KIAA1191: variants seen among roughly 807,000 people sequenced by gnomAD.
KIAA1191 encodes the protein KIAA1191.
In KIAA1191, 22 loss-of-function variants were observed where a neutral mutation model predicts 31.1. The observed-to-expected ratio is 0.71, with a 90% CI of 0.51 to 1.01. KIAA1191 has a LOEUF of 1.01. Ranked by LOEUF, KIAA1191 falls within the 50% of genes least tolerant of loss-of-function variation. KIAA1191 has a pLI of 0.00. For synonymous variants in KIAA1191, 130 were observed against 143.9 expected (o/e 0.90, Z 0.69); for missense variants, 319 against 388.0 (o/e 0.82, Z 1.49).
At chr5:176,354,895 T>G (rs1360433260) in intron 4 of KIAA1191, among the ~76,000 whole-genome samples, 1 of 151,700 alleles carries the variant, frequency 6.6e-6, no homozygotes, top group Non-Finnish European at 1.5e-5. Flanking sequence ...GACGGAGATG[T>G]CAGGAAAACT....
chr5:176,351,883 C>A (rs1226096991), intron 5 of KIAA1191, among the ~76,000 whole-genome samples: 1 of 152,142 alleles, frequency 6.6e-6, no homozygotes, highest in East Asian at 1.9e-4. Context: ...GGGCTTCTGA[C>A]TTCAAAAATG....
chr5:176,359,477 T>A lies in KIAA1191; in HGVS notation c.28+4A>T. The stretch of plus-strand genomic sequence containing the variant: ...ATGATTTTACCAAAAAGAATTAAGT[T>A]TACCAGGCACTTCTGGTTGTCTTGA... On this transcript the variant is annotated splice_donor_region_variant and intron_variant, in intron 3 of 8. Coordinates refer to ENST00000298569, the MANE Select transcript of KIAA1191 (RefSeq NM_020444.5). 5 of 1,613,726 alleles carry A rather than the reference T, an allele frequency of 3.1e-6. No individual in the cohort carries two copies. Among genetic ancestry groups the A allele is most frequent in the Non-Finnish European group, 4.2e-6 (5 of 1,179,760 alleles).
At chr5:176,352,586 C>T (rs1767127773) in intron 5 of KIAA1191, 36 bp downstream of exon 5, 1 of 1,607,064 alleles carries the variant, frequency 6.2e-7, no homozygotes, top group Non-Finnish European at 8.5e-7. Context: ...TTCCCTGCCC[C>T]TATGGCACTC....
At chr5:176,348,635 T>TC (rs1454414491) in intron 6 of KIAA1191, among the ~76,000 whole-genome samples, 19 of 151,486 alleles carry the variant, frequency 1.3e-4, no homozygotes, top group East Asian at 1.9e-4. Context: ...TGAAGTAATT[T>TC]CCCCACATTC....
At chr5:176,351,748 ACT>A (rs1213201252) in intron 5 of KIAA1191, among the ~76,000 whole-genome samples, 3 of 150,768 alleles carry the variant, frequency 2.0e-5, no homozygotes, top group Non-Finnish European at 3.0e-5. Flanking sequence ...ACAGAGTGAG[ACT>A]CTGTCTCAAA....
chr5:176,352,060 A>T (rs1226023496), intron 5 of KIAA1191, among the ~76,000 whole-genome samples: 1 of 151,968 alleles, frequency 6.6e-6, no homozygotes, highest in Non-Finnish European at 1.5e-5. Flanking sequence ...CCAAGTTCTC[A>T]TATCAGGTTT....
At chr5:176,352,802 C>G (rs1561754428) in intron 4 of KIAA1191, 54 bp from the exon 5 acceptor site, 3 of 1,546,832 alleles carry the variant, frequency 1.9e-6, no homozygotes, top group Non-Finnish European at 2.6e-6. Context: ...GGGAGTCACA[C>G]ACCTAAACTT....
intron 3 of KIAA1191, among the ~76,000 whole-genome samples, chr5:176,356,528 A>G (rs1348696316): frequency 6.6e-6 from 1 of 152,232 alleles, no homozygotes; most frequent in East Asian, 1.9e-4. Flanking sequence ...TTTAAACAGT[A>G]GAGTCACTTT....
chr5:176,358,602 G>C (rs1269040405), intron 3 of KIAA1191, among the ~76,000 whole-genome samples: 1 of 152,120 alleles, frequency 6.6e-6, no homozygotes, highest in Admixed American at 6.5e-5. Flanking sequence ...TGTAATCCCA[G>C]CTACTCGAGG....
At chr5:176,353,174 G>T (rs1767192180) in intron 4 of KIAA1191, 1 of 154,574 alleles carries the variant, frequency 6.5e-6, no homozygotes, top group Admixed American at 6.3e-5. Context: ...CAGACTGCCG[G>T]GCTCCACCTC....
rs1040959426 is a variant in KIAA1191 at position 176,349,850 on chromosome 5, C to A, written c.459+763G>T. ...GGAACAAGCCTGGATTCTGACCCCC[C>A]CTTGCCTAAAGAAGACAGCCCAAGT... On this transcript the variant is annotated intron_variant, in intron 6 of 8. Coordinates refer to ENST00000298569, the MANE Select transcript of KIAA1191 (RefSeq NM_020444.5). 2.6e-5 allele frequency among the ~76,000 whole-genome samples: 4 copies of A among 152,306 alleles called. No individual in the cohort carries two copies. In the East Asian group the frequency reaches 5.8e-4, roughly 22 times the overall value.
chr5:176,353,141 T>C (rs1404625589), intron 4 of KIAA1191: 1 of 161,492 alleles, frequency 6.2e-6, no homozygotes, highest in African/African-American at 2.4e-5. Flanking sequence ...TAAGTGGTTC[T>C]GACCCTGTGC....
At position 176,359,792 on chromosome 5, in the gene KIAA1191, G is replaced by T; in HGVS notation, c.-60+19C>A. The stretch of plus-strand genomic sequence containing the variant: ...ATGACAGAGCTAAGATGCCATACAT[G>T]GTGAAAAAGTCACCTTACCACAGTG... On this transcript the variant is annotated intron_variant, in intron 2 of 8. Coordinates refer to ENST00000298569, the MANE Select transcript of KIAA1191 (RefSeq NM_020444.5). 2.9e-6 allele frequency: 1 copy of T among 346,182 alleles called. No individual in the cohort carries two copies. The highest frequency in any genetic ancestry group is 4.8e-5 in the East Asian group (1 of 20,916). The allele number at this position is 346,182 out of a possible 1,614,324, so 21.4% of individuals were successfully genotyped here. A position where few individuals can be genotyped will look rare whatever the true frequency, so the allele number is the denominator to read the frequency against.
Position 176,359,913 on chromosome 5 carries a change from G to A in KIAA1191, c.-162C>T, listed in dbSNP as rs548995722. Reference sequence around the variant, plus strand: ...AAGCTTCCCAGGAAGAGTCCATCCAGAGGTTCTAATAACAACAAACAGCCA... The same window carrying A: ...AAGCTTCCCAGGAAGAGTCCATCCAAAGGTTCTAATAACAACAAACAGCCA... On this transcript the variant is annotated 5_prime_UTR_variant, in exon 2 of 9. Coordinates refer to ENST00000298569, the MANE Select transcript of KIAA1191 (RefSeq NM_020444.5). 5.5e-6 allele frequency: 1 copy of A among 181,154 alleles called. No homozygotes were observed. The highest frequency in any genetic ancestry group is 2.3e-5 in the African/African-American group (1 of 43,148). The allele number at this position is 181,154 out of a possible 1,614,324, so 11.2% of individuals were successfully genotyped here.
Position 176,348,337 on chromosome 5 carries a change from CCA to C in KIAA1191, c.477_478del (p.Ser159ArgfsTer26). 3 of 1,613,386 alleles carry C rather than the reference CCA, an allele frequency of 1.9e-6. No individual in the cohort carries two copies. The highest frequency in any genetic ancestry group is 2.5e-6 in the Non-Finnish European group (3 of 1,179,808). The stretch of plus-strand genomic sequence containing the variant: ...CTGCCTCTCTTCTTTTGTTACCTCT[CCA>C]CTCTGTAACTTTAGTTTCTGCTCAG... On this transcript the variant is annotated frameshift_variant, in exon 7 of 9. Transcript: ENST00000298569. LOFTEE classifies it high-confidence loss of function.
rs1767424259 is a variant in KIAA1191, at chr5:176,355,442, G to A, written c.207+129C>T. On this transcript the variant is annotated intron_variant, in intron 4 of 8. Coordinates refer to ENST00000298569, the MANE Select transcript of KIAA1191 (RefSeq NM_020444.5). The surrounding 1 kb of genome is among the most constrained non-coding windows in gnomAD (Gnocchi z 4.2). Reference sequence around the variant, plus strand: ...AAAAAAAAAGACAGCTATAACTGAGGCACAGAAAACACATACAGGGAGTGG... The same window carrying A: ...AAAAAAAAAGACAGCTATAACTGAGACACAGAAAACACATACAGGGAGTGG... 1 of 728,594 alleles carries A rather than the reference G, an allele frequency of 1.4e-6. No individual in the cohort carries two copies. Among genetic ancestry groups the A allele is most frequent in the Admixed American group, 2.5e-5 (1 of 40,070 alleles). 45.1% of individuals were successfully genotyped at this position (728,594 alleles called of 1,614,324 possible).
chr5:176,360,365 C>T (rs1257306088), intron 1 of KIAA1191, among the ~76,000 whole-genome samples: 1 of 151,712 alleles, frequency 6.6e-6, no homozygotes, highest in South Asian at 2.1e-4. Flanking sequence ...ACCGCACTAG[C>T]CAGGATGGTC....
intron 5 of KIAA1191, among the ~76,000 whole-genome samples, chr5:176,351,135 C>G (rs188179314): frequency 0.013 from 1,915 of 150,832 alleles, 17 homozygotes; most frequent in Non-Finnish European, 0.021. Context: ...GAGGTCAGGA[C>G]ATCCAGACCA....
At chr5:176,360,820 A>ATG (rs1767937477) in intron 1 of KIAA1191, among the ~76,000 whole-genome samples, 10 of 152,126 alleles carry the variant, frequency 6.6e-5, no homozygotes, top group Non-Finnish European at 1.0e-4. Flanking sequence ...AATTAAAAAA[A>ATG]TTAAAAAAAT....
Sources: allele counts gnomAD v4.1 joint callset (sites outside exome capture counted in the v4.1 genomes callset), GRCh38; gene constraint gnomAD v4.1.1; non-coding constraint Gnocchi (gnomAD v3.1); transcripts MANE v1.5; gene names NCBI Gene and HGNC (gene_info 2026-07-23, HGNC 2026-07-21).